NALCN: variants seen among roughly 807,000 people sequenced by gnomAD.
NALCN encodes the protein sodium leak channel NALCN.
NALCN carries 111 observed loss-of-function variants against 225.3 expected under a neutral mutation model. The ratio of observed to expected loss-of-function variants is 0.49; its 90% confidence interval spans 0.42 to 0.58. The LOEUF (loss-of-function observed/expected upper bound fraction) is 0.58. Among genes scored for constraint, NALCN ranks in the 20% least tolerant of loss-of-function variants. The pLI is 0.00. For missense variants in NALCN, 1,378 were observed against 2,202.4 expected, an observed-to-expected ratio of 0.63 and a Z score of 7.49; for synonymous variants, 764 against 769.0, an observed-to-expected ratio of 0.99 and a Z score of 0.11.
At chr13:101,132,632 T>C (rs1297151734) in intron 17 of NALCN, among the ~76,000 whole-genome samples, 1 of 152,086 alleles carries the variant, frequency 6.6e-6, no homozygotes, top group East Asian at 1.9e-4. Flanking sequence ...TATCTCTTTT[T>C]TCCAGATTAA....
At chr13:101,284,119 G>T (rs2043259841) in intron 9 of NALCN, 100 bp from the exon 10 acceptor site, 2 of 946,380 alleles carry the variant, frequency 2.1e-6, no homozygotes, top group Non-Finnish European at 3.1e-6. Flanking sequence ...TCAAAAATTT[G>T]TCTTCTTATG....
At chr13:101,355,544 T>C (rs573272521) in intron 6 of NALCN, among the ~76,000 whole-genome samples, 8 of 152,102 alleles carry the variant, frequency 5.3e-5, no homozygotes, top group Non-Finnish European at 1.2e-4. Context: ...CCCAGATTCA[T>C]AAAACAAGTT....
chr13:101,377,033 A>C lies in NALCN; in HGVS notation c.399T>G (p.Val133=). Residue 133 remains valine, a synonymous_variant, in exon 5 of 44, where the codon GTT becomes GTG. Coordinates refer to ENST00000251127, the MANE Select transcript of NALCN (RefSeq NM_052867.4). ...VLQVFEIADI[V]DQMSPWGMLR... ...ACATGCCCCAAGGTGACATCTGATC[A>C]ACTATATCAGCAATTTCAAACACCT... 6.2e-7 allele frequency: 1 copy of C among 1,614,202 alleles called. No individual in the cohort carries two copies. The highest frequency in any genetic ancestry group is 8.5e-7 in the Non-Finnish European group (1 of 1,180,012).
chr13:101,144,308 T>C (rs1045669167), intron 16 of NALCN, among the ~76,000 whole-genome samples: 5 of 152,200 alleles, frequency 3.3e-5, no homozygotes, highest in Non-Finnish European at 7.3e-5. Flanking sequence ...CATGGTAGGC[T>C]CCATAAACAC....
Position 101,137,341 on chromosome 13 carries a change from A to C in NALCN, c.2118+5739T>G, listed in dbSNP as rs188844052. On this transcript the variant is annotated intron_variant, in intron 17 of 43. Coordinates refer to ENST00000251127, the MANE Select transcript of NALCN (RefSeq NM_052867.4). ...AAAAGACCAAAAGCCCTAAAAATGA[A>C]AACAGGCTGTGTTCGTTCGTTCATT... Among the ~76,000 whole-genome samples the C allele has an allele frequency of 1.6e-3, 247 of 152,206 alleles. 3 individuals are homozygous for C. Among genetic ancestry groups the C allele is most frequent in the African/African-American group, 5.6e-3 (231 of 41,512 alleles).
At position 101,055,087 on chromosome 13, in the gene NALCN, T is replaced by C; in HGVS notation, c.*208A>G. On this transcript the variant is annotated 3_prime_UTR_variant, in exon 44 of 44. Transcript: ENST00000251127. ...TCTAATATTATCAGTACTGTCATTA[T>C]ACAAAAATTTTTTTGAGCAATGATT... 3.6e-6 allele frequency: 2 copies of C among 557,928 alleles called. No homozygotes were observed. The highest frequency in any genetic ancestry group is 2.9e-5 in the East Asian group (1 of 34,666). The allele number at this position is 557,928 out of a possible 1,614,324, so 34.6% of individuals were successfully genotyped here.
intron 34 of NALCN, among the ~76,000 whole-genome samples, chr13:101,078,670 AG>A (rs1349999101): frequency 1.3e-5 from 2 of 152,204 alleles, no homozygotes; most frequent in African/African-American, 4.8e-5. Context: ...CATAGGCAGC[AG>A]AAACTTTCCT....
intron 10 of NALCN, among the ~76,000 whole-genome samples, chr13:101,272,941 G>C (rs1369284221): frequency 6.6e-6 from 1 of 152,160 alleles, no homozygotes; most frequent in Non-Finnish European, 1.5e-5. Flanking sequence ...TTTTCAAAGA[G>C]CATTAAAACA....
At chr13:101,372,785 G>C (rs2046577160) in intron 6 of NALCN, among the ~76,000 whole-genome samples, 1 of 151,846 alleles carries the variant, frequency 6.6e-6, no homozygotes, top group Non-Finnish European at 1.5e-5. Context: ...TTTTATGAAA[G>C]ATGAAAAAGA....
At chr13:101,266,682 G>C (rs560044542) in intron 10 of NALCN, among the ~76,000 whole-genome samples, 1 of 152,248 alleles carries the variant, frequency 6.6e-6, no homozygotes, top group East Asian at 1.9e-4. Flanking sequence ...AACTTATTTG[G>C]AGAACAATGC....
chr13:101,216,892 T>G (rs1194153953), intron 13 of NALCN, among the ~76,000 whole-genome samples: 1 of 152,102 alleles, frequency 6.6e-6, no homozygotes, highest in Admixed American at 6.6e-5. Context: ...TAATTAACAT[T>G]TAGAGAATGA....
At chr13:101,175,841 T>C (rs979838685) in intron 15 of NALCN, among the ~76,000 whole-genome samples, 1 of 152,202 alleles carries the variant, frequency 6.6e-6, no homozygotes, top group Non-Finnish European at 1.5e-5. Context: ...GGGTCCACAT[T>C]TGATCATTTA....
intron 15 of NALCN, among the ~76,000 whole-genome samples, chr13:101,165,302 A>G (rs2038384663): frequency 6.6e-6 from 1 of 152,198 alleles, no homozygotes; most frequent in Non-Finnish European, 1.5e-5. Flanking sequence ...CTTACCCGTC[A>G]TTGATTCCCT....
chr13:101,099,857 G>T (rs1048374954), intron 27 of NALCN, among the ~76,000 whole-genome samples: 49 of 152,168 alleles, frequency 3.2e-4, no homozygotes, highest in African/African-American at 9.9e-4. Flanking sequence ...GCATAGGATA[G>T]AAGGCATGTG....
At chr13:101,124,443 AAT>A (rs1483838214) in intron 18 of NALCN, among the ~76,000 whole-genome samples, 163 bp downstream of exon 18, 1 of 152,232 alleles carries the variant, frequency 6.6e-6, no homozygotes, top group East Asian at 1.9e-4. Context: ...AAATGACATC[AAT>A]ATGTCTTTTA....
At chr13:101,329,202 T>C (rs1439752442) in intron 7 of NALCN, among the ~76,000 whole-genome samples, 2 of 152,236 alleles carry the variant, frequency 1.3e-5, no homozygotes, top group Non-Finnish European at 1.5e-5. Context: ...TAGGTTATTG[T>C]TTTACTGGAC....
At chr13:101,327,597 G>A (rs1230398613) in intron 7 of NALCN, among the ~76,000 whole-genome samples, 5 of 152,164 alleles carry the variant, frequency 3.3e-5, no homozygotes, top group Non-Finnish European at 7.4e-5. Flanking sequence ...AGAGGCAGCA[G>A]AAAGGAGGTG....
At chr13:101,129,531 C>A (rs1041693349) in intron 17 of NALCN, among the ~76,000 whole-genome samples, 2 of 152,148 alleles carry the variant, frequency 1.3e-5, no homozygotes, top group African/African-American at 4.8e-5. Flanking sequence ...AGCTTGTACA[C>A]TTCCTATTCA....
intron 22 of NALCN, among the ~76,000 whole-genome samples, chr13:101,105,990 A>G (rs549980896): frequency 2.6e-5 from 4 of 152,260 alleles, no homozygotes; most frequent in African/African-American, 9.6e-5. Flanking sequence ...GGTGCTTAAG[A>G]CTGGATGGCT....
Sources: allele counts gnomAD v4.1 joint callset (sites outside exome capture counted in the v4.1 genomes callset), GRCh38; gene constraint gnomAD v4.1.1; transcripts MANE v1.5; gene names NCBI Gene and HGNC (gene_info 2026-07-23, HGNC 2026-07-21).